NTNG1: variants seen among roughly 807,000 people sequenced by gnomAD.
NTNG1 encodes netrin-G1.
In NTNG1, 16 loss-of-function variants were observed where a neutral mutation model predicts 54.0. The observed-to-expected ratio is 0.30, with a 90% CI of 0.20 to 0.45. The LOEUF is 0.45. Ranked by LOEUF, NTNG1 falls within the 20% of genes least tolerant of loss-of-function variation. NTNG1 has a pLI of 1.00. For synonymous variants in NTNG1, 255 were observed against 263.1 expected (o/e 0.97, Z 0.30); for missense variants, 530 against 678.7 (o/e 0.78, Z 2.43).
chr1:107,142,006 A>G lies in NTNG1; in HGVS notation c.-526+866A>G, dbSNP rs559981226. Among the ~76,000 whole-genome samples, 9 of 152,254 alleles carry G rather than the reference A, an allele frequency of 5.9e-5. No individual in the cohort carries two copies. The South Asian group carries it at 6.2e-4, about 11-fold the overall frequency. ...TTTATTGGTGCTAGATTAAAACATT[A>G]CTATCCCATGTTGTGCAGCTGGGGA... On this transcript the variant is annotated intron_variant, in intron 1 of 7. Transcript: ENST00000370068.
At chr1:107,453,725 T>A (rs893514318) in intron 7 of NTNG1, among the ~76,000 whole-genome samples, 1 of 152,232 alleles carries the variant, frequency 6.6e-6, no homozygotes, top group African/African-American at 2.4e-5. Context: ...TTGTAACCAC[T>A]TTATAAATTA....
At chr1:107,387,027 A>G (rs1426780784) in intron 3 of NTNG1, among the ~76,000 whole-genome samples, 1 of 152,128 alleles carries the variant, frequency 6.6e-6, no homozygotes, top group African/African-American at 2.4e-5. Context: ...TCGTGTGCTT[A>G]TTGGCTATTT....
intron 2 of NTNG1, among the ~76,000 whole-genome samples, chr1:107,294,386 C>T (rs913840308): frequency 6.6e-6 from 1 of 152,084 alleles, no homozygotes; most frequent in Non-Finnish European, 1.5e-5. Context: ...CATAGTTAGC[C>T]GCTTTGTGTG....
chr1:107,237,523 C>A (rs760653497), intron 2 of NTNG1, among the ~76,000 whole-genome samples: 3 of 152,098 alleles, frequency 2.0e-5, no homozygotes, highest in Non-Finnish European at 4.4e-5. Flanking sequence ...GAAAATGTCT[C>A]CAGGGCACAT....
intron 4 of NTNG1, among the ~76,000 whole-genome samples, chr1:107,397,156 G>T (rs1418589678): frequency 6.6e-6 from 1 of 152,102 alleles, no homozygotes; most frequent in Non-Finnish European, 1.5e-5. Flanking sequence ...AGGTCCAATT[G>T]TCCACCTATC....
intron 6 of NTNG1, among the ~76,000 whole-genome samples, chr1:107,435,287 C>T (rs2101366776): frequency 6.6e-6 from 1 of 152,204 alleles, no homozygotes; most frequent in South Asian, 2.1e-4. Flanking sequence ...TTTTAATCTG[C>T]TTCCATATAC....
intron 2 of NTNG1, among the ~76,000 whole-genome samples, chr1:107,309,093 T>C (rs1187883496): frequency 6.6e-6 from 1 of 152,220 alleles, no homozygotes; most frequent in Non-Finnish European, 1.5e-5. Context: ...TTCTCACAAC[T>C]AGATAATTAA....
At position 107,148,503 on chromosome 1, in the gene NTNG1, A is replaced by C; in HGVS notation, c.-91A>C. ...CCTACCTACCCGTACGCATACATACATATGTGTATATATATGTAAACTAGA... is the reference window on the plus strand; with the variant it reads ...CCTACCTACCCGTACGCATACATACCTATGTGTATATATATGTAAACTAGA... On this transcript the variant is annotated 5_prime_UTR_variant, in exon 2 of 8. Coordinates refer to ENST00000370068, the MANE Select transcript of NTNG1 (RefSeq NM_001113226.3). 1.6e-6 allele frequency: 2 copies of C among 1,233,910 alleles called. No homozygotes were observed. Among genetic ancestry groups the C allele is most frequent in the Non-Finnish European group, 2.3e-6 (2 of 859,970 alleles). 76.4% of individuals were successfully genotyped at this position (1,233,910 alleles called of 1,614,324 possible).
intron 7 of NTNG1, among the ~76,000 whole-genome samples, chr1:107,480,333 T>A (rs1420508653): frequency 6.6e-6 from 1 of 152,192 alleles, no homozygotes; most frequent in African/African-American, 2.4e-5. Flanking sequence ...GACTATTGCA[T>A]TACTTTGTAT....
intron 5 of NTNG1, 64 bp from the exon 6 acceptor site, chr1:107,430,686 A>G: frequency 3.3e-6 from 5 of 1,521,754 alleles, no homozygotes; most frequent in South Asian, 1.1e-5. Context: ...TTACCCAAGC[A>G]TGTAGTATGC....
intron 3 of NTNG1, among the ~76,000 whole-genome samples, chr1:107,387,398 G>A (rs1672076617): frequency 1.3e-5 from 2 of 152,182 alleles, no homozygotes; most frequent in Non-Finnish European, 2.9e-5. Flanking sequence ...ACATACTGGT[G>A]AGCTCTACAG....
At chr1:107,219,294 C>G (rs1660186339) in intron 2 of NTNG1, among the ~76,000 whole-genome samples, 1 of 152,056 alleles carries the variant, frequency 6.6e-6, no homozygotes, top group African/African-American at 2.4e-5. Flanking sequence ...CTCTCTATCT[C>G]ACTGGAGATG....
At chr1:107,159,928 C>A (rs1655286790) in intron 2 of NTNG1, among the ~76,000 whole-genome samples, 1 of 152,122 alleles carries the variant, frequency 6.6e-6, no homozygotes, top group South Asian at 2.1e-4. Context: ...TGGAAATAAG[C>A]TGTTAGAAAT....
intron 1 of NTNG1, among the ~76,000 whole-genome samples, chr1:107,146,152 G>A (rs186348913): frequency 6.6e-6 from 1 of 151,938 alleles, no homozygotes; most frequent in African/African-American, 2.4e-5. Context: ...AACACACAAT[G>A]CTCACTCCAT....
At chr1:107,224,785 T>C (rs1475824373) in intron 2 of NTNG1, among the ~76,000 whole-genome samples, 1 of 152,126 alleles carries the variant, frequency 6.6e-6, no homozygotes, top group Non-Finnish European at 1.5e-5. Flanking sequence ...GCAGGAATAA[T>C]GAGAAATTAA....
At chr1:107,460,483 T>C in intron 7 of NTNG1, 1 of 506,424 alleles carries the variant, frequency 2.0e-6, no homozygotes, top group Non-Finnish European at 3.9e-6. Flanking sequence ...ATTTAGGAAA[T>C]GAAATTATTT....
chr1:107,228,606 G>A (rs1265621180), intron 2 of NTNG1, among the ~76,000 whole-genome samples: 1 of 152,056 alleles, frequency 6.6e-6, no homozygotes, highest in Non-Finnish European at 1.5e-5. Flanking sequence ...CCACCCTATG[G>A]GTGAGATAGT....
At chr1:107,223,617 C>A (rs1225938362) in intron 2 of NTNG1, among the ~76,000 whole-genome samples, 1 of 152,048 alleles carries the variant, frequency 6.6e-6, no homozygotes, top group Non-Finnish European at 1.5e-5. Context: ...TTTTTATTTT[C>A]TCCTTTTCAT....
At chr1:107,307,625 A>G (rs1342163618) in intron 2 of NTNG1, among the ~76,000 whole-genome samples, 1 of 152,242 alleles carries the variant, frequency 6.6e-6, no homozygotes, top group African/African-American at 2.4e-5. Context: ...TAGGAAAGAC[A>G]TATTTCCCAA....
Sources: gnomAD v4.1 joint callset for allele counts (sites outside exome capture counted in the v4.1 genomes callset) on GRCh38, gnomAD v4.1.1 for gene constraint, MANE v1.5 for transcripts, NCBI Gene and HGNC (gene_info 2026-07-23, HGNC 2026-07-21) for gene names.